Variants in GPC5 observed in about 807,000 individuals in gnomAD.
GPC5 encodes the protein glypican 5.
A neutral mutation model predicts 53.9 loss-of-function variants in GPC5; 47 were observed. That is an observed-to-expected ratio of 0.87 (90% CI 0.69 to 1.11). The LOEUF is 1.11. Among genes scored for constraint, GPC5 ranks in the 50% most tolerant of loss-of-function variants. GPC5 has a pLI of 0.00. For synonymous variants in GPC5, 286 were observed against 263.3 expected, an observed-to-expected ratio of 1.09 and a Z score of -0.84; for missense variants, 748 against 713.1, an observed-to-expected ratio of 1.05 and a Z score of -0.56.
chr13:92,756,045 C>T (rs1466342779), intron 7 of GPC5, among the ~76,000 whole-genome samples: 2 of 151,928 alleles, frequency 1.3e-5, no homozygotes, highest in African/African-American at 2.4e-5. Context: ...AGTTTTAGAC[C>T]AATATCCTTG....
intron 2 of GPC5, among the ~76,000 whole-genome samples, chr13:91,640,385 C>T (rs7331612): frequency 2.0e-5 from 3 of 152,140 alleles, no homozygotes; most frequent in East Asian, 1.9e-4. Flanking sequence ...AAAAGCTCAA[C>T]GTTCATGATC....
intron 7 of GPC5, among the ~76,000 whole-genome samples, chr13:92,553,464 C>T (rs1334994198): frequency 6.6e-6 from 1 of 151,912 alleles, no homozygotes; most frequent in African/African-American, 2.4e-5. Flanking sequence ...GCCCTTTTGA[C>T]ATGTAGACAT....
chr13:92,703,296 G>C (rs1402348777), intron 7 of GPC5, among the ~76,000 whole-genome samples: 1 of 151,384 alleles, frequency 6.6e-6, no homozygotes, highest in African/African-American at 2.4e-5. Context: ...TGTGTCCCTT[G>C]GGGGGCTGGG....
intron 7 of GPC5, among the ~76,000 whole-genome samples, chr13:92,647,819 A>C (rs1885823860): frequency 6.6e-6 from 1 of 152,040 alleles, no homozygotes; most frequent in Admixed American, 6.6e-5. Context: ...ATATGATAGA[A>C]TATATATATT....
At chr13:92,042,950 G>A (rs907049667) in intron 6 of GPC5, among the ~76,000 whole-genome samples, 1 of 152,160 alleles carries the variant, frequency 6.6e-6, no homozygotes. Flanking sequence ...AAATTCTAGA[G>A]TGGAAAATAC....
At chr13:91,664,696 G>C (rs1283271097) in intron 2 of GPC5, among the ~76,000 whole-genome samples, 1 of 152,090 alleles carries the variant, frequency 6.6e-6, no homozygotes, top group Admixed American at 6.5e-5. Context: ...TTGAGATTAA[G>C]GTCTGCATGT....
At chr13:92,072,566 TA>T (rs1381231953) in intron 6 of GPC5, among the ~76,000 whole-genome samples, 5 of 114,732 alleles carry the variant, frequency 4.4e-5, no homozygotes, top group South Asian at 3.2e-4. Context: ...GCCTGGCCAC[TA>T]AATTTTTTTT....
intron 2 of GPC5, among the ~76,000 whole-genome samples, chr13:91,674,516 CAT>C (rs1286386745): frequency 6.7e-5 from 9 of 133,852 alleles, no homozygotes; most frequent in Admixed American, 2.2e-4. Flanking sequence ...TATATATACA[CAT>C]ATATGCGTAT....
At chr13:91,987,252 C>T (rs1376578865) in intron 6 of GPC5, among the ~76,000 whole-genome samples, 1 of 152,184 alleles carries the variant, frequency 6.6e-6, no homozygotes, top group African/African-American at 2.4e-5. Flanking sequence ...CACGGAGACT[C>T]TGCAGGAGGC....
rs1566642708 is a variant in GPC5, at chr13:91,728,657, C to A, written c.1146C>A (p.Asn382Lys). The A allele has an allele frequency of 1.2e-6, 2 of 1,606,770 alleles. No individual in the cohort carries two copies. ...GGAACAGTGAAGAGACGCTTGCCAA[C>A]AGAAGAAAGTAAGACATTTGTTTTA... Reference protein sequence around the residue: ...TTRNSEETLANRRKEFINSLR... With the variant: ...TTRNSEETLAKRRKEFINSLR... Residue 382 changes from asparagine (N) to lysine (K), a missense_variant, in exon 4 of 8, where the codon AAC becomes AAA. Asn to Lys is a moderately conservative substitution (Grantham distance 94). Coordinates refer to ENST00000377067, the MANE Select transcript of GPC5 (RefSeq NM_004466.6).
intron 7 of GPC5, among the ~76,000 whole-genome samples, chr13:92,568,383 A>G (rs1043445488): frequency 9.9e-5 from 15 of 152,172 alleles, no homozygotes; most frequent in South Asian, 2.1e-4. Flanking sequence ...AAATTTAACT[A>G]TAAGTAAAAA....
chr13:92,059,892 G>A (rs1213356816), intron 6 of GPC5: 2 of 151,630 alleles, frequency 1.3e-5, no homozygotes, highest in African/African-American at 4.9e-5. Flanking sequence ...TGCATAATGA[G>A]GGCTGTACTG....
At chr13:92,378,436 C>T (rs1395462014) in intron 7 of GPC5, among the ~76,000 whole-genome samples, 2 of 152,090 alleles carry the variant, frequency 1.3e-5, no homozygotes, top group African/African-American at 4.8e-5. Flanking sequence ...TTAAAGAAAA[C>T]AAATACACTT....
intron 5 of GPC5, among the ~76,000 whole-genome samples, chr13:91,846,315 A>G (rs2038848380): frequency 6.6e-6 from 1 of 152,144 alleles, no homozygotes; most frequent in African/African-American, 2.4e-5. Flanking sequence ...AAAAAAAAAC[A>G]GCAACTAATA....
At chr13:91,564,658 A>G (rs1198119719) in intron 2 of GPC5, among the ~76,000 whole-genome samples, 2 of 152,170 alleles carry the variant, frequency 1.3e-5, no homozygotes, top group African/African-American at 4.8e-5. Context: ...TGTCATCTTA[A>G]TGGAATAGCA....
At chr13:92,202,462 G>T (rs2042302199) in intron 7 of GPC5, among the ~76,000 whole-genome samples, 1 of 152,190 alleles carries the variant, frequency 6.6e-6, no homozygotes, top group Admixed American at 6.5e-5. Context: ...ATAGACTACG[G>T]TTATAATTCA....
At chr13:92,488,133 G>C (rs9556184) in intron 7 of GPC5, among the ~76,000 whole-genome samples, 3 of 151,788 alleles carry the variant, frequency 2.0e-5, no homozygotes, top group Non-Finnish European at 4.4e-5. Flanking sequence ...GTGTGTGCGC[G>C]TGTGTGTGTG....
At chr13:92,399,312 C>T (rs943934713) in intron 7 of GPC5, among the ~76,000 whole-genome samples, 7 of 152,092 alleles carry the variant, frequency 4.6e-5, no homozygotes, top group Non-Finnish European at 8.8e-5. Flanking sequence ...GAGTATAATA[C>T]TAGAGACCAT....
chr13:92,141,922 T>C (rs1053263598), intron 6 of GPC5, among the ~76,000 whole-genome samples: 2 of 152,160 alleles, frequency 1.3e-5, no homozygotes, highest in African/African-American at 4.8e-5. Flanking sequence ...ATAGGACCTT[T>C]GATAGGCCCT....
Sources: gnomAD v4.1 joint callset for allele counts (sites outside exome capture counted in the v4.1 genomes callset) on GRCh38, gnomAD v4.1.1 for gene constraint, MANE v1.5 for transcripts, NCBI Gene and HGNC (gene_info 2026-07-23, HGNC 2026-07-21) for gene names.